The following PABIR3 variants were observed in gnomAD, a reference collection of about 807,000 sequenced individuals.
PABIR3 encodes PABIR family member 1.
A neutral mutation model predicts 23.1 loss-of-function variants in PABIR3; 20 were observed. The observed-to-expected ratio is 0.86, with a 90% CI of 0.61 to 1.26. The LOEUF (loss-of-function observed/expected upper bound fraction) is 1.26, where lower values mean the gene tolerates loss of function less well. PABIR3 is among the 50% of genes most tolerant of loss of function. The pLI is 0.00. For synonymous variants in PABIR3, 69 were observed against 68.5 expected (o/e 1.01, Z -0.04); for missense variants, 189 against 195.4 (o/e 0.97, Z 0.20).
At position 134,829,646 on chromosome X, in the gene PABIR3, C is replaced by A. The variant is rs749424385; in HGVS notation, c.246+364C>A. 2.7e-5 allele frequency among the ~76,000 whole-genome samples: 3 copies of A among 111,003 alleles called. No homozygotes were observed. In the South Asian group the frequency reaches 1.1e-3, roughly 42 times the overall value. On this transcript the variant is annotated intron_variant, in intron 4 of 10. Coordinates refer to ENST00000645433, the MANE Select transcript of PABIR3 (RefSeq NM_001388447.1). ...GAGTTTTTTTGACAGATAAAATGGC[C>A]TTCATGCTATTGTTTTGTTCTTAGT...
intron 4 of PABIR3, chrX:134,834,029 A>G (rs575592256): frequency 2.7e-5 from 3 of 112,143 alleles, no homozygotes; most frequent in East Asian, 5.6e-4. Flanking sequence ...TTGGGTATAT[A>G]CTCAGTAATG....
At chrX:134,818,650 T>A (rs1020363675) in intron 3 of PABIR3, among the ~76,000 whole-genome samples, 1 of 111,572 alleles carries the variant, frequency 9.0e-6, no homozygotes, top group African/African-American at 3.3e-5. Flanking sequence ...CAAGGACCTA[T>A]AAATGGCACT....
chrX:134,827,912 G>T (rs2081573428), intron 3 of PABIR3, among the ~76,000 whole-genome samples: 1 of 107,762 alleles, frequency 9.3e-6, no homozygotes, highest in Admixed American at 1.0e-4. Context: ...CTGCCATTTG[G>T]CTGTGACCTA....
At chrX:134,803,997 T>G, upstream of PABIR3, 1 of 248,650 alleles carries the variant, frequency 4.0e-6, no homozygotes, top group Non-Finnish European at 7.3e-6. Flanking sequence ...TGTATTTGAC[T>G]TGCTCTTGTG....
chrX:134,844,034 T>C, intron 4 of PABIR3: 1 of 110,669 alleles, frequency 9.0e-6, no homozygotes, highest in Non-Finnish European at 1.9e-5. Flanking sequence ...AAGCAATTCT[T>C]GTGCCTCAGC....
rs1556344204 is a variant in PABIR3, at chrX:134,849,887, T to TTTTTTTTTTTC, written c.589+659_589+660insTTTTTTTTTTC. Reference sequence around the variant, plus strand: ...CTTCTTCCTTTTTTTTTTTTTTTTTTCTTGAGACAGAGTCTTGCTCTGTCA... The same window carrying TTTTTTTTTTTC: ...CTTCTTCCTTTTTTTTTTTTTTTTTTTTTTTTTTTTCCTTGAGACAGAGTCTTGCTCTGTCA... On this transcript the variant is annotated intron_variant, in intron 9 of 10. Coordinates refer to ENST00000645433, the MANE Select transcript of PABIR3 (RefSeq NM_001388447.1). Among the ~76,000 whole-genome samples the TTTTTTTTTTTC allele has an allele frequency of 5.5e-4, 50 of 90,274 alleles. 1 individual carries two copies. Among genetic ancestry groups the TTTTTTTTTTTC allele is most frequent in the African/African-American group, 2.0e-3 (48 of 23,857 alleles). 78.4% of individuals were successfully genotyped at this position (90,274 alleles called of 115,157 possible).
downstream of PABIR3, among the ~76,000 whole-genome samples, chrX:134,858,364 C>CACATGAGT: frequency 9.0e-6 from 1 of 111,591 alleles, no homozygotes; most frequent in East Asian, 2.8e-4. Context: ...ATCAAATGAG[C>CACATGAGT]TATTAAAAGC....
chrX:134,811,263 A>G, intron 2 of PABIR3: 1 of 479,840 alleles, frequency 2.1e-6, no homozygotes, highest in Non-Finnish European at 2.6e-6. Context: ...ACTATACTTA[A>G]AGCTAGGAGT....
At chrX:134,832,598 C>T (rs1327247270) in intron 4 of PABIR3, among the ~76,000 whole-genome samples, 3 of 108,842 alleles carry the variant, frequency 2.8e-5, no homozygotes, top group African/African-American at 6.7e-5. Context: ...GACAGGGTTT[C>T]GCCATGTTGC....
chrX:134,825,460 A>G (rs1026357360), intron 3 of PABIR3, among the ~76,000 whole-genome samples: 1 of 112,341 alleles, frequency 8.9e-6, no homozygotes. Context: ...TCATAACACT[A>G]TTGCCTATAG....
chrX:134,813,250 A>C (rs1316047839), intron 2 of PABIR3, among the ~76,000 whole-genome samples: 2 of 112,310 alleles, frequency 1.8e-5, no homozygotes, highest in Non-Finnish European at 3.8e-5. Flanking sequence ...ACGTAACTGA[A>C]TTTGACAGGC....
intron 1 of PABIR3, among the ~76,000 whole-genome samples, chrX:134,801,476 T>A (rs1273518676): frequency 3.6e-5 from 4 of 112,671 alleles, no homozygotes; most frequent in Non-Finnish European, 7.5e-5. Context: ...TAAGGCCTGA[T>A]GATCATCAGG....
the PABIR3 span, among the ~76,000 whole-genome samples, chrX:134,864,646 A>G: frequency 8.9e-6 from 1 of 112,130 alleles, no homozygotes; most frequent in South Asian, 3.6e-4. Context: ...TCAGTAGTTC[A>G]TTACTTTTTA....
intron 3 of PABIR3, among the ~76,000 whole-genome samples, chrX:134,820,274 A>G (rs939149550): frequency 6.2e-5 from 7 of 112,437 alleles, no homozygotes; most frequent in Admixed American, 5.7e-4. Flanking sequence ...TGTTTTTCAC[A>G]AAGCATGAGC....
rs1448751295 is a variant in PABIR3, at chrX:134,838,450, A to T, written c.247-6755A>T. On this transcript the variant is annotated intron_variant, in intron 4 of 10. Transcript: ENST00000645433. The stretch of plus-strand genomic sequence containing the variant: ...TGCCTCAGCCTCCCGTGTAGCTGGG[A>T]CTACAGGCACCTGCCACCACGCCCA... Among the ~76,000 whole-genome samples the T allele has an allele frequency of 6.5e-5, 7 of 107,185 alleles. No individual in the cohort carries two copies. In the Admixed American group the frequency reaches 7.0e-4, roughly 11 times the overall value. The allele number at this position is 107,185 out of a possible 115,157, so 93.1% of individuals were successfully genotyped here. A position where few individuals can be genotyped will look rare whatever the true frequency, so the allele number is the denominator to read the frequency against.
At chrX:134,811,400 C>CT (rs771991631) in intron 2 of PABIR3, among the ~76,000 whole-genome samples, 1,480 of 100,438 alleles carry the variant, frequency 0.015, 15 homozygotes, top group Non-Finnish European at 0.021. Context: ...TGCCTCAATT[C>CT]TTTTTTTTTT....
chrX:134,826,396 T>A (rs1240543475), intron 3 of PABIR3, among the ~76,000 whole-genome samples: 1 of 111,906 alleles, frequency 8.9e-6, no homozygotes, highest in East Asian at 2.8e-4. Flanking sequence ...CTTTGCTTTT[T>A]ATTCCCACCC....
chrX:134,835,727 C>T (rs2081951681), intron 4 of PABIR3: 2 of 111,793 alleles, frequency 1.8e-5, no homozygotes, highest in South Asian at 7.5e-4. Flanking sequence ...GATCATAGCT[C>T]ACTGCAGCCT....
intron 2 of PABIR3, among the ~76,000 whole-genome samples, chrX:134,812,402 A>G (rs961983860): frequency 2.7e-5 from 3 of 112,037 alleles, no homozygotes; most frequent in African/African-American, 9.7e-5. Flanking sequence ...TCCTATTCTC[A>G]CAAAGAAAAT....
Sources: gnomAD v4.1 joint callset for allele counts (sites outside exome capture counted in the v4.1 genomes callset) on GRCh38, gnomAD v4.1.1 for gene constraint, MANE v1.5 for transcripts, NCBI Gene and HGNC (gene_info 2026-07-23, HGNC 2026-07-21) for gene names.